The following COL23A1 variants were observed in gnomAD, a reference collection of about 807,000 sequenced individuals.
COL23A1 encodes the protein collagen alpha-1(XXIII) chain.
Under a neutral mutation model 99.3 loss-of-function variants are expected in COL23A1, and 97 were observed. The observed-to-expected ratio is 0.98, with a 90% CI of 0.83 to 1.16. The LOEUF (loss-of-function observed/expected upper bound fraction) is 1.16. COL23A1 is among the 50% of genes most tolerant of loss of function. The pLI is 0.00. For missense variants in COL23A1, 762 were observed against 757.4 expected (o/e 1.01, Z -0.07); for synonymous variants, 320 against 308.2 (o/e 1.04, Z -0.40).
intron 2 of COL23A1, among the ~76,000 whole-genome samples, chr5:178,472,762 C>G (rs930973723): frequency 6.6e-6 from 1 of 152,196 alleles, no homozygotes; most frequent in Non-Finnish European, 1.5e-5. Flanking sequence ...AGCCAGTGAA[C>G]AGTCAGCCCT....
At chr5:178,319,374 T>C (rs1423767514) in intron 2 of COL23A1, among the ~76,000 whole-genome samples, 1 of 152,244 alleles carries the variant, frequency 6.6e-6, no homozygotes, top group Non-Finnish European at 1.5e-5. Context: ...CAGGATTTAT[T>C]GCTTTCAGAG....
At chr5:178,326,414 TA>T (rs34380897) in intron 2 of COL23A1, among the ~76,000 whole-genome samples, 27 of 148,448 alleles carry the variant, frequency 1.8e-4, no homozygotes, top group African/African-American at 1.5e-4. Context: ...AGAGAACATT[TA>T]AAAAAAAAAA....
intron 2 of COL23A1, among the ~76,000 whole-genome samples, chr5:178,402,860 A>G (rs1194521995): frequency 1.3e-5 from 2 of 152,156 alleles, no homozygotes; most frequent in Non-Finnish European, 2.9e-5. Context: ...AAAAATTCAG[A>G]AATAGAATTA....
chr5:178,505,729 G>A (rs777420075), intron 2 of COL23A1, among the ~76,000 whole-genome samples: 6 of 152,132 alleles, frequency 3.9e-5, no homozygotes, highest in Non-Finnish European at 8.8e-5. Context: ...ATAACACGAA[G>A]GTAATCTGCA....
chr5:178,437,333 C>A (rs1043733413), intron 2 of COL23A1, among the ~76,000 whole-genome samples: 1 of 152,210 alleles, frequency 6.6e-6, no homozygotes, highest in East Asian at 1.9e-4. Context: ...ATTTCCCCAA[C>A]CTCTGGCTCT....
intron 2 of COL23A1, among the ~76,000 whole-genome samples, chr5:178,403,134 A>AAAT (rs1561940724): frequency 6.8e-6 from 1 of 146,404 alleles, no homozygotes; most frequent in African/African-American, 2.6e-5. Context: ...AAATAAATAA[A>AAAT]AAATAAATAC....
rs1285452484 is a variant in COL23A1 at position 178,545,157 on chromosome 5, T to C, written c.361+15525A>G. Among the ~76,000 whole-genome samples the C allele has an allele frequency of 5.5e-5, 7 of 127,980 alleles. No homozygotes were observed. The South Asian group carries it at 1.8e-3, about 33-fold the overall frequency. The allele number at this position is 127,980 out of a possible 152,430, so 84.0% of individuals were successfully genotyped here. A position where few individuals can be genotyped will look rare whatever the true frequency, so the allele number is the denominator to read the frequency against. ...CACAGTATGAGGGCCATAGAGGGGG[T>C]GGGGGGTGTTCTAGTTCCTGATGGG... On this transcript the variant is annotated intron_variant, in intron 2 of 28. Transcript: ENST00000390654.
intron 2 of COL23A1, among the ~76,000 whole-genome samples, chr5:178,513,292 C>G (rs969954513): frequency 6.6e-6 from 1 of 152,180 alleles, no homozygotes; most frequent in Admixed American, 6.5e-5. Flanking sequence ...CACTTACATC[C>G]CCCCTGCAAC....
intron 2 of COL23A1, among the ~76,000 whole-genome samples, chr5:178,335,131 C>G (rs1386847832): frequency 6.6e-6 from 1 of 152,212 alleles, no homozygotes; most frequent in Non-Finnish European, 1.5e-5. Flanking sequence ...TTGAGGAGGG[C>G]CTGCCCTGGT....
At chr5:178,530,188 G>A (rs751197335) in intron 2 of COL23A1, among the ~76,000 whole-genome samples, 4 of 152,202 alleles carry the variant, frequency 2.6e-5, no homozygotes, top group Non-Finnish European at 5.9e-5. Context: ...TGGGCCAGGT[G>A]TGGTGGCTCA....
chr5:178,517,058 C>T (rs1170252339), intron 2 of COL23A1, among the ~76,000 whole-genome samples: 1 of 152,122 alleles, frequency 6.6e-6, no homozygotes, highest in Non-Finnish European at 1.5e-5. Context: ...CGGGGTGCTG[C>T]CACAACCACA....
intron 10 of COL23A1, among the ~76,000 whole-genome samples, chr5:178,261,968 C>T (rs1312529543): frequency 6.6e-6 from 1 of 152,238 alleles, no homozygotes; most frequent in African/African-American, 2.4e-5. Context: ...TGGACCGCAG[C>T]CTCCGCACAG....
chr5:178,487,288 T>TTTGTTTTTTTTA (rs1554182815), intron 2 of COL23A1, among the ~76,000 whole-genome samples: 1 of 116,460 alleles, frequency 8.6e-6, no homozygotes, highest in Admixed American at 8.3e-5. Flanking sequence ...CCAGCCTCAG[T>TTTGTTTTTTTTA]TTTATTTATT....
At chr5:178,283,057 A>T (rs1185545603) in intron 5 of COL23A1, among the ~76,000 whole-genome samples, 3 of 151,028 alleles carry the variant, frequency 2.0e-5, no homozygotes, top group Non-Finnish European at 4.4e-5. Flanking sequence ...TTTTATTTTT[A>T]TTTTTTTTGG....
intron 2 of COL23A1, among the ~76,000 whole-genome samples, chr5:178,354,989 C>T (rs190240716): frequency 1.0e-4 from 15 of 149,944 alleles, no homozygotes; most frequent in African/African-American, 3.2e-4. Context: ...AACCGGGAGG[C>T]GGAGGTTGCA....
At chr5:178,506,133 C>A (rs1350177741) in intron 2 of COL23A1, among the ~76,000 whole-genome samples, 2 of 152,154 alleles carry the variant, frequency 1.3e-5, no homozygotes, top group Non-Finnish European at 2.9e-5. Flanking sequence ...CAGAGAAAAA[C>A]AAAAAACAGC....
At chr5:178,537,472 A>G (rs906716236) in intron 2 of COL23A1, among the ~76,000 whole-genome samples, 1 of 152,310 alleles carries the variant, frequency 6.6e-6, no homozygotes, top group East Asian at 1.9e-4. Flanking sequence ...AGGAGAGGAG[A>G]ACAGTGTCCA....
chr5:178,368,266 C>T (rs1232116287), intron 2 of COL23A1, among the ~76,000 whole-genome samples: 2 of 152,160 alleles, frequency 1.3e-5, no homozygotes, highest in Non-Finnish European at 2.9e-5. Context: ...GAGGAGCTAC[C>T]ATAGTGTTTC....
intron 1 of COL23A1, among the ~76,000 whole-genome samples, chr5:178,586,509 A>G (rs574285434): frequency 6.6e-6 from 1 of 152,114 alleles, no homozygotes; most frequent in South Asian, 2.1e-4. Flanking sequence ...GGAAAAGTCC[A>G]ATCCAAAATG....
Sources: allele counts gnomAD v4.1 joint callset (sites outside exome capture counted in the v4.1 genomes callset), GRCh38; gene constraint gnomAD v4.1.1; transcripts MANE v1.5; gene names NCBI Gene and HGNC (gene_info 2026-07-23, HGNC 2026-07-21).